GDPD5: variants seen among roughly 807,000 people sequenced by gnomAD.
GDPD5 encodes the protein glycerophosphodiester phosphodiesterase domain containing 5, also known as glycerophosphodiester phosphodiesterase 2.
GDPD5 carries 48 observed loss-of-function variants against 75.1 expected under a neutral mutation model. The ratio of observed to expected loss-of-function variants is 0.64; its 90% CI spans 0.51 to 0.81. GDPD5 has a LOEUF of 0.81. GDPD5 is among the 40% of genes least tolerant of loss of function. The pLI is 0.00. For synonymous variants in GDPD5, 336 were observed against 339.0 expected, an observed-to-expected ratio of 0.99 and a Z score of 0.10; for missense variants, 706 against 822.6, an observed-to-expected ratio of 0.86 and a Z score of 1.73.
intron 4 of GDPD5, among the ~76,000 whole-genome samples, chr11:75,461,278 A>G (rs942002774): frequency 6.6e-5 from 10 of 152,128 alleles, no homozygotes; most frequent in African/African-American, 2.2e-4. Flanking sequence ...TACTCATGAC[A>G]GTGCCCATGC....
chr11:75,493,250 C>CAA (rs1950144598), intron 1 of GDPD5, among the ~76,000 whole-genome samples: 1 of 151,748 alleles, frequency 6.6e-6, no homozygotes, highest in Non-Finnish European at 1.5e-5. Flanking sequence ...CACACACACA[C>CAA]ACACACACAC....
At chr11:75,483,305 GCCT>G (rs1366202947) in intron 2 of GDPD5, among the ~76,000 whole-genome samples, 3 of 152,142 alleles carry the variant, frequency 2.0e-5, no homozygotes, top group Non-Finnish European at 4.4e-5. Flanking sequence ...TACTTGCACA[GCCT>G]CCTGCTTGCA....
At chr11:75,443,890 C>A (rs563520362) in intron 10 of GDPD5, among the ~76,000 whole-genome samples, 1 of 152,218 alleles carries the variant, frequency 6.6e-6, no homozygotes, top group African/African-American at 2.4e-5. Context: ...TATGTCTATA[C>A]TGGGAACAAT....
chr11:75,494,241 G>A (rs1195315304), intron 1 of GDPD5, among the ~76,000 whole-genome samples: 2 of 123,496 alleles, frequency 1.6e-5, no homozygotes, highest in East Asian at 4.7e-4. Flanking sequence ...ACAGAGTCTC[G>A]CTCTGTCACC....
chr11:75,448,534 T>G (rs1312735132), intron 9 of GDPD5: 4 of 988,062 alleles, frequency 4.0e-6, no homozygotes, highest in Non-Finnish European at 4.8e-6. Flanking sequence ...GGTGGCAGAA[T>G]GCGGCGCTGA....
At chr11:75,441,543 CGTGTGTGTGTGT>C (rs34643232) in intron 13 of GDPD5, 91 bp downstream of exon 13, 4 of 952,180 alleles carry the variant, frequency 4.2e-6, no homozygotes, top group East Asian at 2.7e-5. Flanking sequence ...TCTGCCCGAC[CGTGTGTGTGTGT>C]GTGTGTGTGT....
In GDPD5 at chr11:75,443,238, G is replaced by A. The variant is rs1475630782; in HGVS notation, c.846C>T (p.Thr282=). The A allele has an allele frequency of 3.7e-6, 6 of 1,609,568 alleles. No homozygotes were observed. In the African/African-American group the frequency reaches 5.3e-5, roughly 14 times the overall value. ...FLMHDTTLRR[T]TNVEEEFPEL... ...CCGGGAACTCCTCCTCCACGTTGGT[G>A]GTGCGCCGCAGGGTGGTGTCATGCA... Residue 282 remains threonine (T), a synonymous_variant, in exon 11 of 17, where the codon ACC becomes ACT. Transcript: ENST00000336898.
At chr11:75,496,767 T>TC (rs1565213315) in intron 1 of GDPD5, among the ~76,000 whole-genome samples, 1 of 129,008 alleles carries the variant, frequency 7.8e-6, no homozygotes, top group South Asian at 2.4e-4. Context: ...TTTTTTTTTC[T>TC]TTTCTTTCTT....
rs926838927 is a variant in GDPD5 at position 75,435,450 on chromosome 11, C to T, written c.*57G>A. 6.1e-6 allele frequency: 9 copies of T among 1,465,606 alleles called. No homozygotes were observed. The highest frequency in any genetic ancestry group is 7.3e-6 in the Non-Finnish European group (8 of 1,096,492). 90.8% of individuals were successfully genotyped at this position (1,465,606 alleles called of 1,614,324 possible). A position where few individuals can be genotyped will look rare whatever the true frequency, so the allele number is the denominator to read the frequency against. On this transcript the variant is annotated 3_prime_UTR_variant, in exon 17 of 17. Coordinates refer to ENST00000336898, the MANE Select transcript of GDPD5 (RefSeq NM_030792.8). Reference sequence around the variant, plus strand: ...CCGAGTTCAGACACACTTCCACCAGCTCTCCTAGGCTCCCCAGCTTCTGTG... The same window carrying T: ...CCGAGTTCAGACACACTTCCACCAGTTCTCCTAGGCTCCCCAGCTTCTGTG...
chr11:75,520,739 T>C (rs934724134), intron 1 of GDPD5, among the ~76,000 whole-genome samples: 2 of 152,192 alleles, frequency 1.3e-5, no homozygotes, highest in Non-Finnish European at 2.9e-5. Context: ...CCTACAAAGC[T>C]CTGGTGCCCA....
intron 2 of GDPD5, among the ~76,000 whole-genome samples, chr11:75,480,415 T>C (rs988688759): frequency 6.6e-6 from 1 of 152,014 alleles, no homozygotes; most frequent in African/African-American, 2.4e-5. Context: ...TGGTGTGCAG[T>C]AGTGCAATCA....
chr11:75,481,628 G>A (rs1949921930), intron 2 of GDPD5, among the ~76,000 whole-genome samples: 1 of 152,064 alleles, frequency 6.6e-6, no homozygotes, highest in South Asian at 2.1e-4. Flanking sequence ...GATTTGGGGA[G>A]TGCTGCGTGC....
chr11:75,471,325 G>T (rs1390689340), intron 3 of GDPD5, among the ~76,000 whole-genome samples: 2 of 152,196 alleles, frequency 1.3e-5, no homozygotes, highest in Non-Finnish European at 2.9e-5. Flanking sequence ...CATTAGGGCC[G>T]AGCAGGGAAA....
intron 3 of GDPD5, among the ~76,000 whole-genome samples, chr11:75,474,677 C>T (rs1262032058): frequency 6.6e-6 from 1 of 152,144 alleles, no homozygotes; most frequent in Non-Finnish European, 1.5e-5. Context: ...AGGAGGGAGA[C>T]CAGCGTGGAT....
At position 75,444,433 on chromosome 11, in the gene GDPD5, G is replaced by C; in HGVS notation, c.777C>G (p.Leu259=). 1.2e-6 allele frequency: 2 copies of C among 1,613,676 alleles called. No homozygotes were observed. Among genetic ancestry groups the C allele is most frequent in the Non-Finnish European group, 1.7e-6 (2 of 1,179,744 alleles). The part of the protein sequence containing the change: ...RKALEQKLYG[L]QADITISLDG... ...CCTACCTGATGGTAATGTCAGCCTG[G>C]AGCCCGTACAGCTTCTGCTCGAGGG... is the stretch of plus-strand genomic sequence containing the variant. Residue 259 remains leucine (L), a synonymous_variant, in exon 10 of 17, where the codon CTC becomes CTG. Transcript: ENST00000336898.
chr11:75,439,072 C>T (rs1038620162), intron 15 of GDPD5, among the ~76,000 whole-genome samples: 1 of 152,124 alleles, frequency 6.6e-6, no homozygotes, highest in East Asian at 1.9e-4. Context: ...CAGAGAGGGG[C>T]CAGGTCAGGA....
At chr11:75,444,959 G>C (rs528904320) in intron 9 of GDPD5, among the ~76,000 whole-genome samples, 37 of 152,178 alleles carry the variant, frequency 2.4e-4, no homozygotes, top group Admixed American at 1.1e-3. Context: ...ACAAGTCCAG[G>C]GGGGAGACCT....
chr11:75,444,500 G>C lies in GDPD5; in HGVS notation c.715-5C>G. On this transcript the variant is annotated splice_polypyrimidine_tract_variant and splice_region_variant and intron_variant, in intron 9 of 16. Coordinates refer to ENST00000336898, the MANE Select transcript of GDPD5 (RefSeq NM_030792.8). ...GAGCGTGTGCTCTGGAGCCAGCTGG[G>C]GAAGAAGGGGTGGTGAAGGGAGAGC... The C allele has an allele frequency of 2.5e-6, 4 of 1,611,524 alleles. No homozygotes were observed. The highest frequency in any genetic ancestry group is 3.4e-6 in the Non-Finnish European group (4 of 1,178,028).
Position 75,435,321 on chromosome 11 carries a change from G to T in GDPD5, c.*186C>A. ...GGGCATCTGAAAGGATGGAGTCCTG[G>T]CCCAGCTGGGCCTCAGGAGACAGGG... On this transcript the variant is annotated 3_prime_UTR_variant, in exon 17 of 17. Coordinates refer to ENST00000336898, the MANE Select transcript of GDPD5 (RefSeq NM_030792.8). 3.8e-6 allele frequency: 2 copies of T among 532,482 alleles called. No individual in the cohort carries two copies. The highest frequency in any genetic ancestry group is 6.6e-6 in the Non-Finnish European group (2 of 303,084). The allele number at this position is 532,482 out of a possible 1,614,324, so 33.0% of individuals were successfully genotyped here.
Sources: gnomAD v4.1 joint callset for allele counts (sites outside exome capture counted in the v4.1 genomes callset) on GRCh38, gnomAD v4.1.1 for gene constraint, MANE v1.5 for transcripts, NCBI Gene and HGNC (gene_info 2026-07-23, HGNC 2026-07-21) for gene names.